AKAP9: variants seen among roughly 807,000 people sequenced by gnomAD.
AKAP9 encodes A-kinase anchoring protein 9.
In AKAP9, 311 loss-of-function variants were observed where a neutral mutation model predicts 488.5. The ratio of observed to expected loss-of-function variants is 0.64; its 90% confidence interval spans 0.58 to 0.70. The LOEUF is 0.70. AKAP9 is among the 30% of genes least tolerant of loss of function. The probability of loss-of-function intolerance (pLI) is 0.00; values close to 1 mark genes in which losing one functional copy is unlikely to be tolerated. For missense variants in AKAP9, 4,215 were observed against 4,374.5 expected (o/e 0.96, Z 1.03); for synonymous variants, 1,462 against 1,483.5 (o/e 0.99, Z 0.33).
In AKAP9 at chr7:92,066,553, A is replaced by G. The variant is rs1235885918; in HGVS notation, c.6330+7A>G. The G allele has an allele frequency of 1.9e-6, 3 of 1,613,164 alleles. No homozygotes were observed. The highest frequency in any genetic ancestry group is 1.7e-6 in the Non-Finnish European group (2 of 1,179,478). On this transcript the variant is annotated splice_region_variant and intron_variant, in intron 26 of 49. Transcript: ENST00000356239. Reference sequence around the variant, plus strand: ...TGAACATCAAACTAGAGAGGTAAGAACTTCACTGATATTGCCCAACTTACA... The same window carrying G: ...TGAACATCAAACTAGAGAGGTAAGAGCTTCACTGATATTGCCCAACTTACA...
At chr7:91,966,131 A>C (rs1456410297) in intron 1 of AKAP9, among the ~76,000 whole-genome samples, 2 of 152,098 alleles carry the variant, frequency 1.3e-5, no homozygotes, top group African/African-American at 4.8e-5. Flanking sequence ...GGCTCAAGTG[A>C]TCCTCCTGCC....
chr7:91,982,625 T>C (rs1372706432), intron 3 of AKAP9, among the ~76,000 whole-genome samples: 1 of 152,234 alleles, frequency 6.6e-6, no homozygotes, highest in East Asian at 1.9e-4. Context: ...AAGTCTTTGC[T>C]GTTGTGAATA....
intron 1 of AKAP9, among the ~76,000 whole-genome samples, chr7:91,948,113 T>C (rs1791696685): frequency 6.6e-6 from 1 of 152,254 alleles, no homozygotes; most frequent in Admixed American, 6.5e-5. Context: ...TTGCTGCATA[T>C]ATCAGTACTT....
rs773406855 is a variant in AKAP9 at position 92,110,209 on chromosome 7, T to C, written c.*50T>C. 1.4e-6 allele frequency: 2 copies of C among 1,406,022 alleles called. No homozygotes were observed. Among genetic ancestry groups the C allele is most frequent in the South Asian group, 2.4e-5 (2 of 83,722 alleles). 87.1% of individuals were successfully genotyped at this position (1,406,022 alleles called of 1,614,324 possible). A position where few individuals can be genotyped will look rare whatever the true frequency, so the allele number is the denominator to read the frequency against. On this transcript the variant is annotated 3_prime_UTR_variant, in exon 50 of 50. Coordinates refer to ENST00000356239, the MANE Select transcript of AKAP9 (RefSeq NM_005751.5). ...GTGATTTTAAATAGATTTCCTTTTGTAAATCAATGGTTCTTTTGTGCTTTT... is the reference window on the plus strand; with the variant it reads ...GTGATTTTAAATAGATTTCCTTTTGCAAATCAATGGTTCTTTTGTGCTTTT...
At chr7:91,978,758 AT>A in intron 2 of AKAP9, among the ~76,000 whole-genome samples, 1 of 150,678 alleles carries the variant, frequency 6.6e-6, no homozygotes, top group Admixed American at 6.6e-5. Context: ...TATTTTAATT[AT>A]TATTATTATT....
chr7:91,951,046 C>A (rs1351500809), intron 1 of AKAP9, among the ~76,000 whole-genome samples: 1 of 151,660 alleles, frequency 6.6e-6, no homozygotes, highest in African/African-American at 2.4e-5. Context: ...CCACTTTAAA[C>A]AACCATTAGT....
At chr7:92,044,957 TTTGC>T in intron 20 of AKAP9, 47 bp from the exon 21 acceptor site, 1 of 1,461,570 alleles carries the variant, frequency 6.8e-7, no homozygotes, top group African/African-American at 1.4e-5. Context: ...AAGCAAAGTG[TTTGC>T]TTCAAAAATA....
chr7:92,017,796 C>CTT (rs1356589931), intron 12 of AKAP9, among the ~76,000 whole-genome samples: 1 of 152,166 alleles, frequency 6.6e-6, no homozygotes, highest in Non-Finnish European at 1.5e-5. Flanking sequence ...CTCTCCCCTT[C>CTT]TTTCTTTCCC....
intron 37 of AKAP9, among the ~76,000 whole-genome samples, chr7:92,086,982 C>T (rs1193269713): frequency 6.6e-6 from 1 of 152,152 alleles, no homozygotes; most frequent in South Asian, 2.1e-4. Flanking sequence ...TAAAGCACTT[C>T]AGCACTACTT....
chr7:91,987,444 T>C (rs1331284837), intron 3 of AKAP9, among the ~76,000 whole-genome samples: 3 of 152,102 alleles, frequency 2.0e-5, no homozygotes, highest in Non-Finnish European at 2.9e-5. Context: ...AGAAAAAAGA[T>C]AATTATGAAA....
chr7:92,089,669 C>T, intron 38 of AKAP9, 140 bp downstream of exon 38: 1 of 973,498 alleles, frequency 1.0e-6, no homozygotes, highest in Non-Finnish European at 1.6e-6. Flanking sequence ...AGGATACAAT[C>T]TATATTAATT....
chr7:92,051,801 A>G (rs1296048085), intron 21 of AKAP9, among the ~76,000 whole-genome samples: 1 of 152,214 alleles, frequency 6.6e-6, no homozygotes, highest in Non-Finnish European at 1.5e-5. Context: ...ACAGTTACTG[A>G]TAACAAATAT....
Position 91,980,292 on chromosome 7 carries a change from G to A in AKAP9, c.310G>A (p.Glu104Lys), listed in dbSNP as rs754152424. 6.3e-7 allele frequency: 1 copy of A among 1,583,152 alleles called. No individual in the cohort carries two copies. Among genetic ancestry groups the A allele is most frequent in the South Asian group, 1.2e-5 (1 of 86,882 alleles). Reference sequence around the variant, plus strand: ...TTGGTTTTTATTTTTGTTTTAGCTGGAAAGTGAAATTTCAACCACAGCAGA... The same window carrying A: ...TTGGTTTTTATTTTTGTTTTAGCTGAAAAGTGAAATTTCAACCACAGCAGA... The part of the protein sequence containing the change: ...SHEQGFSVEL[E>K]SEISTTADDC... Residue 104 changes from glutamate to lysine, a missense_variant, in exon 3 of 50, where the codon GAA (glutamate) becomes AAA (lysine). Around this residue, in one of 5 missense-constraint regions of AKAP9, gnomAD observed 2,361 missense variants for 2,430.0 expected, o/e 0.97. Coordinates refer to ENST00000356239, the MANE Select transcript of AKAP9 (RefSeq NM_005751.5).
rs761917955 is a variant in AKAP9 at position 92,110,202 on chromosome 7, C to G, written c.*43C>G. ...AATTGAAGTGATTTTAAATAGATTT[C>G]CTTTTGTAAATCAATGGTTCTTTTG... is the stretch of plus-strand genomic sequence containing the variant. On this transcript the variant is annotated 3_prime_UTR_variant, in exon 50 of 50. Coordinates refer to ENST00000356239, the MANE Select transcript of AKAP9 (RefSeq NM_005751.5). 8.1e-6 allele frequency: 12 copies of G among 1,475,302 alleles called. No individual in the cohort carries two copies. Among genetic ancestry groups the G allele is most frequent in the Non-Finnish European group, 1.1e-5 (12 of 1,063,030 alleles). The allele number at this position is 1,475,302 out of a possible 1,614,324, so 91.4% of individuals were successfully genotyped here. A position where few individuals can be genotyped will look rare whatever the true frequency, so the allele number is the denominator to read the frequency against.
intron 8 of AKAP9, among the ~76,000 whole-genome samples, chr7:92,011,166 C>G (rs939540443): frequency 1.3e-5 from 2 of 152,124 alleles, no homozygotes; most frequent in African/African-American, 4.8e-5. Flanking sequence ...TAGAAGCATT[C>G]CCATTAAAAT....
chr7:92,063,490 A>G (rs1810251488), intron 24 of AKAP9: 1 of 982,904 alleles, frequency 1.0e-6, no homozygotes. Flanking sequence ...TCGATGCAGC[A>G]CCAGGAGCAG....
At chr7:91,974,067 A>C (rs1320234377) in intron 2 of AKAP9, 99 bp downstream of exon 2, 1 of 1,438,532 alleles carries the variant, frequency 7.0e-7, no homozygotes, top group Non-Finnish European at 9.7e-7. Context: ...CATGATTTTT[A>C]TGTCCTCTTG....
chr7:92,102,893 TC>T, intron 46 of AKAP9, 67 bp downstream of exon 46: 2 of 1,335,920 alleles, frequency 1.5e-6, no homozygotes, highest in Non-Finnish European at 2.1e-6. Context: ...TTTTTAATTC[TC>T]CCTCTATTCT....
intron 22 of AKAP9, among the ~76,000 whole-genome samples, chr7:92,060,472 C>T (rs984010716): frequency 1.2e-4 from 19 of 152,196 alleles, no homozygotes; most frequent in Admixed American, 2.6e-4. Context: ...GCTCAGAAAA[C>T]TAAGGCAGAG....
Sources: gnomAD v4.1 joint callset for allele counts (sites outside exome capture counted in the v4.1 genomes callset) on GRCh38, gnomAD v4.1.1 for gene constraint, gnomAD v4.1.1 regional missense constraint, MANE v1.5 for transcripts, NCBI Gene and HGNC (gene_info 2026-07-23, HGNC 2026-07-21) for gene names.